Variants in IARS2 observed in about 807,000 individuals in gnomAD.
IARS2 encodes the protein isoleucyl-tRNA synthetase 2, mitochondrial.
A neutral mutation model predicts 126.3 loss-of-function variants in IARS2; 56 were observed. The ratio of observed to expected loss-of-function variants is 0.44; its 90% CI spans 0.36 to 0.55. The LOEUF (loss-of-function observed/expected upper bound fraction) is 0.55, where lower values mean the gene tolerates loss of function less well. Ranked by LOEUF, IARS2 falls within the 20% of genes least tolerant of loss-of-function variation. The probability of loss-of-function intolerance (pLI) is 0.00; values close to 1 mark genes in which losing one functional copy is unlikely to be tolerated. For missense variants in IARS2, 1,127 were observed against 1,245.9 expected, an observed-to-expected ratio of 0.90 and a Z score of 1.44; for synonymous variants, 407 against 441.1, an observed-to-expected ratio of 0.92 and a Z score of 0.97.
At chr1:220,140,124 G>T in intron 18 of IARS2, 59 bp from the exon 19 acceptor site, 2 of 957,302 alleles carry the variant, frequency 2.1e-6, no homozygotes, top group South Asian at 2.6e-5. Context: ...TGCTTGTGAT[G>T]ACTTACATTT....
In IARS2 at chr1:220,094,173, C is replaced by G; in HGVS notation, c.-44C>G. ...TTTCCTGGGGTCCTGCCCCTTCAAGCTGGGGCGGGAGCGGAGGACCCCGCT... is the reference window on the plus strand; with the variant it reads ...TTTCCTGGGGTCCTGCCCCTTCAAGGTGGGGCGGGAGCGGAGGACCCCGCT... On this transcript the variant is annotated 5_prime_UTR_variant, in exon 1 of 23. Transcript: ENST00000366922. 1 of 1,503,138 alleles carries G rather than the reference C, an allele frequency of 6.7e-7. No individual in the cohort carries two copies. The highest frequency in any genetic ancestry group is 8.8e-7 in the Non-Finnish European group (1 of 1,131,636). The allele number at this position is 1,503,138 out of a possible 1,614,324, so 93.1% of individuals were successfully genotyped here. A position where few individuals can be genotyped will look rare whatever the true frequency, so the allele number is the denominator to read the frequency against.
At chr1:220,138,981 C>T (rs1657436086) in intron 17 of IARS2, 27 bp from the exon 18 acceptor site, 6 of 1,590,054 alleles carry the variant, frequency 3.8e-6, no homozygotes, top group Non-Finnish European at 4.3e-6. Context: ...ATTTTTTTAA[C>T]TGCATATTTT....
chr1:220,122,638 CTG>C (rs1378749157), intron 12 of IARS2, among the ~76,000 whole-genome samples: 2 of 152,210 alleles, frequency 1.3e-5, no homozygotes, highest in African/African-American at 4.8e-5. Flanking sequence ...TCAAGACCCA[CTG>C]TGTATTTCTG....
intron 15 of IARS2, 54 bp from the exon 16 acceptor site, chr1:220,136,755 A>G: frequency 1.0e-6 from 1 of 963,422 alleles, no homozygotes; most frequent in East Asian, 2.6e-5. Flanking sequence ...CCTAATCTTC[A>G]AAAAGATAAT....
chr1:220,136,369 T>A (rs1353631175), intron 15 of IARS2, among the ~76,000 whole-genome samples: 1 of 152,150 alleles, frequency 6.6e-6, no homozygotes, highest in Non-Finnish European at 1.5e-5. Flanking sequence ...TGGCCTCAAG[T>A]GATCTGCCTG....
rs1427541889 is a variant in IARS2 at position 220,147,890 on chromosome 1, T to C, written c.*255T>C. 1.3e-5 allele frequency: 6 copies of C among 456,148 alleles called. No homozygotes were observed. Among genetic ancestry groups the C allele is most frequent in the Non-Finnish European group, 2.3e-5 (6 of 257,860 alleles). 28.3% of individuals were successfully genotyped at this position (456,148 alleles called of 1,614,324 possible). On this transcript the variant is annotated 3_prime_UTR_variant, in exon 23 of 23. Transcript: ENST00000366922. ...GGATATATGTATATCTCTTCCTATA[T>C]ATATCCATAGTGGACTTATTCAGAA... is the stretch of plus-strand genomic sequence containing the variant.
At chr1:220,099,118 A>G (rs756827533) in intron 2 of IARS2, among the ~76,000 whole-genome samples, 5 of 151,564 alleles carry the variant, frequency 3.3e-5, no homozygotes, top group Admixed American at 2.0e-4. Context: ...AGGCTGAGGC[A>G]GGAGAATCAC....
At position 220,125,048 on chromosome 1, in the gene IARS2, A is replaced by G. The variant is rs899023271; in HGVS notation, c.1641-189A>G. 5.9e-5 allele frequency among the ~76,000 whole-genome samples: 9 copies of G among 152,182 alleles called. No homozygotes were observed. In the South Asian group the frequency reaches 1.4e-3, roughly 25 times the overall value. ...ATAGGTAAATCAGTAACGGAAACAG[A>G]TGTTTTTTCTTTTTAAGGATATGTA... On this transcript the variant is annotated intron_variant, in intron 12 of 22. Transcript: ENST00000366922.
At chr1:220,110,247 A>G (rs1656769482) in intron 10 of IARS2, among the ~76,000 whole-genome samples, 1 of 151,902 alleles carries the variant, frequency 6.6e-6, no homozygotes. Flanking sequence ...TTTAATAGAG[A>G]TGGGGTTTCA....
At chr1:220,117,233 C>T (rs907151451) in intron 12 of IARS2, among the ~76,000 whole-genome samples, 4 of 115,944 alleles carry the variant, frequency 3.4e-5, no homozygotes, top group Admixed American at 2.3e-4. Context: ...CTCTTGTTTC[C>T]TAGGCTGGAG....
rs889742748 is a variant in IARS2, at chr1:220,141,820, A to G, written c.2432A>G (p.Glu811Gly). The change falls in exon 20 of 23, where the codon GAA becomes GGA. Residue 811 changes from glutamate (E) to glycine (G), a missense_variant. Coordinates refer to ENST00000366922, the MANE Select transcript of IARS2 (RefSeq NM_018060.4). ...TTGTTCAGGCTCTATTGTGAAAAGG[A>G]AAATGACCCCAAACGACGCTCTTGT... ...IIKDRLYCEKENDPKRRSCQT... is the reference protein window; with the variant it reads ...IIKDRLYCEKGNDPKRRSCQT... 1.2e-6 allele frequency: 2 copies of G among 1,613,952 alleles called. No homozygotes were observed. Among genetic ancestry groups the G allele is most frequent in the Admixed American group, 3.3e-5 (2 of 60,008 alleles).
intron 13 of IARS2, among the ~76,000 whole-genome samples, chr1:220,126,145 CA>C (rs904496552): frequency 4.7e-5 from 7 of 149,410 alleles, no homozygotes; most frequent in African/African-American, 1.7e-4. Flanking sequence ...AGCCACGCAA[CA>C]TACCTTTAGT....
chr1:220,143,296 T>C (rs1372612456), intron 21 of IARS2, 162 bp downstream of exon 21: 1 of 420,786 alleles, frequency 2.4e-6, no homozygotes, highest in African/African-American at 2.0e-5. Flanking sequence ...TTTTTCACTT[T>C]TAAATATCTT....
intron 11 of IARS2, 105 bp downstream of exon 11, chr1:220,111,042 G>T: frequency 9.8e-7 from 1 of 1,018,378 alleles, no homozygotes; most frequent in Admixed American, 2.7e-5. Flanking sequence ...AGGGATTGCT[G>T]CTATTATGAT....
intron 3 of IARS2, among the ~76,000 whole-genome samples, chr1:220,101,783 G>A (rs914037179): frequency 1.3e-5 from 2 of 152,084 alleles, no homozygotes; most frequent in South Asian, 2.1e-4. Context: ...GGTAGATCAC[G>A]AGGTCAGGAG....
At chr1:220,130,589 G>A (rs915669945) in intron 14 of IARS2, among the ~76,000 whole-genome samples, 2 of 152,100 alleles carry the variant, frequency 1.3e-5, no homozygotes, top group East Asian at 1.9e-4. Flanking sequence ...ACAGAGTCTC[G>A]CTCTGTCGCC....
chr1:220,123,189 T>C (rs572809209), intron 12 of IARS2, among the ~76,000 whole-genome samples: 2 of 152,136 alleles, frequency 1.3e-5, no homozygotes, highest in East Asian at 1.9e-4. Flanking sequence ...CTATATAAAA[T>C]AGTAATATGT....
intron 14 of IARS2, among the ~76,000 whole-genome samples, chr1:220,127,248 T>A (rs1233595243): frequency 6.6e-6 from 1 of 152,212 alleles, no homozygotes; most frequent in African/African-American, 2.4e-5. Flanking sequence ...GATGGTCACA[T>A]AGCTTAGTAG....
intron 2 of IARS2, among the ~76,000 whole-genome samples, chr1:220,097,679 A>G (rs1656476036): frequency 1.3e-5 from 2 of 151,906 alleles, no homozygotes; most frequent in Admixed American, 1.3e-4. Flanking sequence ...AATTCTTATA[A>G]AAGTCCTGGA....
Sources: allele counts gnomAD v4.1 joint callset (sites outside exome capture counted in the v4.1 genomes callset), GRCh38; gene constraint gnomAD v4.1.1; transcripts MANE v1.5; gene names NCBI Gene and HGNC (gene_info 2026-07-23, HGNC 2026-07-21).